Variants in ST8SIA5 observed in about 807,000 individuals in gnomAD.
ST8SIA5 encodes ST8 alpha-N-acetyl-neuraminide alpha-2,8-sialyltransferase 5.
ST8SIA5 carries 24 observed loss-of-function variants against 40.2 expected under a neutral mutation model. The observed-to-expected ratio is 0.60, with a 90% CI of 0.43 to 0.84. The LOEUF (loss-of-function observed/expected upper bound fraction) is 0.84, where lower values mean the gene tolerates loss of function less well. ST8SIA5 is among the 40% of genes least tolerant of loss of function. The probability of loss-of-function intolerance (pLI) is 0.00; values close to 1 mark genes in which losing one functional copy is unlikely to be tolerated. For missense variants in ST8SIA5, 465 were observed against 498.5 expected (o/e 0.93, Z 0.64); for synonymous variants, 198 against 201.8 (o/e 0.98, Z 0.16).
At chr18:46,721,216 G>A (rs2039859201) in intron 1 of ST8SIA5, 1 of 694,160 alleles carries the variant, frequency 1.4e-6, no homozygotes, top group East Asian at 2.7e-5. Context: ...AAAGGAACCA[G>A]GTGGGATACC....
Position 46,672,322 on chromosome 18 carries a change from C to G in ST8SIA5, c.*7720G>C, listed in dbSNP as rs1423349240. 2 of 152,188 alleles carry G rather than the reference C, an allele frequency of 1.3e-5. No individual in the cohort carries two copies. The highest frequency in any genetic ancestry group is 3.9e-4 in the East Asian group (2 of 5,192). The allele number at this position is 152,188 out of a possible 1,614,324, so 9.4% of individuals were successfully genotyped here. The stretch of plus-strand genomic sequence containing the variant: ...TCTTTCAAAATAGGGATACCAGGCC[C>G]TATCCCCAGGCCTGCTGAATCAGAT... On this transcript the variant is annotated 3_prime_UTR_variant, in exon 7 of 7. Transcript: ENST00000315087.
At chr18:46,682,579 AT>A (rs572415880) in intron 5 of ST8SIA5, among the ~76,000 whole-genome samples, 12 of 152,370 alleles carry the variant, frequency 7.9e-5, no homozygotes, top group African/African-American at 2.9e-4. Context: ...AGAAAGCCCC[AT>A]AGTAGGAAGA....
At position 46,735,982 on chromosome 18, in the gene ST8SIA5, C is replaced by A. The variant is rs2040030086; in HGVS notation, c.131+20396G>T. Among the ~76,000 whole-genome samples the A allele has an allele frequency of 2.0e-5, 3 of 152,216 alleles. No individual in the cohort carries two copies. In the South Asian group the frequency reaches 6.2e-4, roughly 32 times the overall value. On this transcript the variant is annotated intron_variant, in intron 1 of 6. Transcript: ENST00000315087. ...AAATTAGGGGAAGTGGATACAGGTT[C>A]TCTCTGTGTTGTTACAGCTGCGTAT...
chr18:46,691,021 G>A (rs986099015), intron 3 of ST8SIA5, among the ~76,000 whole-genome samples: 3 of 152,226 alleles, frequency 2.0e-5, no homozygotes, highest in Non-Finnish European at 4.4e-5. Context: ...CAGTGTGTCA[G>A]GTCTCACTCG....
At chr18:46,739,569 A>T (rs1175258601) in intron 1 of ST8SIA5, among the ~76,000 whole-genome samples, 1 of 152,198 alleles carries the variant, frequency 6.6e-6, no homozygotes, top group Non-Finnish European at 1.5e-5. Context: ...GGGGAGAAAC[A>T]TTCAACTTCC....
At chr18:46,737,606 C>T (rs1365549493) in intron 1 of ST8SIA5, among the ~76,000 whole-genome samples, 2 of 152,044 alleles carry the variant, frequency 1.3e-5, no homozygotes, top group African/African-American at 4.8e-5. Context: ...AGGGTCTTAC[C>T]AGCTGTGTGA....
intron 6 of ST8SIA5, 52 bp downstream of exon 6, chr18:46,681,920 G>T: frequency 6.3e-7 from 1 of 1,581,070 alleles, no homozygotes; most frequent in Non-Finnish European, 8.7e-7. Context: ...AGCCGCATGT[G>T]ACTATTGGCT....
chr18:46,733,158 G>A (rs527260289), intron 1 of ST8SIA5, among the ~76,000 whole-genome samples: 1 of 152,326 alleles, frequency 6.6e-6, no homozygotes, highest in Non-Finnish European at 1.5e-5. Flanking sequence ...AGACCCCGAA[G>A]GCGGCTCAAC....
At chr18:46,682,112 C>A in intron 5 of ST8SIA5, 48 bp from the exon 6 acceptor site, 1 of 1,496,896 alleles carries the variant, frequency 6.7e-7, no homozygotes, top group South Asian at 1.3e-5. Flanking sequence ...TTCAATAGGT[C>A]AGGCTGGGGA....
At chr18:46,741,586 A>T (rs1462061040) in intron 1 of ST8SIA5, among the ~76,000 whole-genome samples, 1 of 152,218 alleles carries the variant, frequency 6.6e-6, no homozygotes, top group Non-Finnish European at 1.5e-5. Flanking sequence ...AATTACATCC[A>T]ATAGCATTCA....
chr18:46,720,103 T>C (rs2039846685), intron 1 of ST8SIA5, among the ~76,000 whole-genome samples: 1 of 152,090 alleles, frequency 6.6e-6, no homozygotes, highest in Non-Finnish European at 1.5e-5. Context: ...CCTCCCAAAG[T>C]GCTGGGATTA....
At chr18:46,729,577 G>GAACTCCCAC (rs2039966412) in intron 1 of ST8SIA5, among the ~76,000 whole-genome samples, 2 of 152,204 alleles carry the variant, frequency 1.3e-5, no homozygotes, top group South Asian at 4.1e-4. Context: ...TAGAGGTGTT[G>GAACTCCCAC]CCAGGCAAAC....
rs2039312115 is a variant in ST8SIA5, at chr18:46,672,052, G to A, written c.*7990C>T. On this transcript the variant is annotated 3_prime_UTR_variant, in exon 7 of 7. Transcript: ENST00000315087. ...CCAAGAGATTCTGAGGCAGCCTCCAGTTTGAGAACTGCTGACCTAGAATAG... is the reference window on the plus strand; with the variant it reads ...CCAAGAGATTCTGAGGCAGCCTCCAATTTGAGAACTGCTGACCTAGAATAG... 1 of 152,158 alleles carries A rather than the reference G, an allele frequency of 6.6e-6. No homozygotes were observed. Among genetic ancestry groups the A allele is most frequent in the South Asian group, 2.1e-4 (1 of 4,834 alleles). 9.4% of individuals were successfully genotyped at this position (152,158 alleles called of 1,614,324 possible).
chr18:46,726,655 G>A (rs1415155303), intron 1 of ST8SIA5, among the ~76,000 whole-genome samples: 1 of 144,154 alleles, frequency 6.9e-6, no homozygotes. Context: ...ACGGTGGCTC[G>A]TGCCTGTAAT....
chr18:46,688,736 C>G, intron 4 of ST8SIA5, 39 bp downstream of exon 4: 1 of 1,585,612 alleles, frequency 6.3e-7, no homozygotes, highest in Non-Finnish European at 8.6e-7. Flanking sequence ...TGGATTGGCT[C>G]CCTCGCCCCA....
intron 1 of ST8SIA5, among the ~76,000 whole-genome samples, chr18:46,715,002 C>T (rs1482648166): frequency 1.3e-5 from 2 of 152,148 alleles, no homozygotes; most frequent in Non-Finnish European, 1.5e-5. Flanking sequence ...CAGCCTCAGC[C>T]GGCCGCAGCC....
intron 2 of ST8SIA5, among the ~76,000 whole-genome samples, chr18:46,693,062 G>C (rs200181036): frequency 2.0e-5 from 3 of 152,064 alleles, no homozygotes; most frequent in East Asian, 3.9e-4. Flanking sequence ...CCTCCTGACC[G>C]GCCCTGGGGC....
At chr18:46,695,712 G>A (rs1321168831) in intron 2 of ST8SIA5, among the ~76,000 whole-genome samples, 2 of 152,224 alleles carry the variant, frequency 1.3e-5, no homozygotes, top group South Asian at 4.1e-4. Flanking sequence ...ATGGGGGCAG[G>A]GGATCAAGCC....
chr18:46,711,205 C>T (rs901788088), intron 1 of ST8SIA5, among the ~76,000 whole-genome samples: 4 of 152,210 alleles, frequency 2.6e-5, no homozygotes, highest in African/African-American at 9.7e-5. Context: ...GTAAGCTGTA[C>T]TTCAGCCTCA....
Sources: gnomAD v4.1 joint callset for allele counts (sites outside exome capture counted in the v4.1 genomes callset) on GRCh38, gnomAD v4.1.1 for gene constraint, MANE v1.5 for transcripts, NCBI Gene and HGNC (gene_info 2026-07-23, HGNC 2026-07-21) for gene names.